CMTM8: variants seen among roughly 807,000 people sequenced by gnomAD.
CMTM8 encodes the protein CKLF-like MARVEL transmembrane domain-containing protein 8.
A neutral mutation model predicts 18.6 loss-of-function variants in CMTM8; 12 were observed. The ratio of observed to expected loss-of-function variants is 0.65; its 90% CI spans 0.41 to 1.05. The LOEUF is 1.05. Among genes scored for constraint, CMTM8 ranks in the 50% least tolerant of loss-of-function variants. The pLI is 0.00. For synonymous variants in CMTM8, 87 were observed against 90.6 expected, an observed-to-expected ratio of 0.96 and a Z score of 0.23; for missense variants, 217 against 227.2, an observed-to-expected ratio of 0.95 and a Z score of 0.29.
intron 1 of CMTM8, chr3:32,259,955 G>T: frequency 8.7e-7 from 1 of 1,146,734 alleles, no homozygotes; most frequent in South Asian, 1.3e-5. Context: ...GCAGCTCAAC[G>T]GGATCCTGCT....
intron 1 of CMTM8, among the ~76,000 whole-genome samples, chr3:32,335,207 T>G (rs1433627812): frequency 6.6e-6 from 1 of 152,228 alleles, no homozygotes; most frequent in Non-Finnish European, 1.5e-5. Context: ...CCAGTGGGTC[T>G]GCCAAGCTGA....
chr3:32,260,520 T>G (rs952202507), intron 1 of CMTM8, among the ~76,000 whole-genome samples: 3 of 152,210 alleles, frequency 2.0e-5, no homozygotes, highest in Non-Finnish European at 4.4e-5. Context: ...TTGCTTTCTG[T>G]TTTTCATTTA....
intron 1 of CMTM8, among the ~76,000 whole-genome samples, chr3:32,295,907 T>G (rs1353200266): frequency 9.9e-5 from 15 of 152,214 alleles, no homozygotes; most frequent in Admixed American, 9.8e-4. Flanking sequence ...AAATGTTCCA[T>G]GCTGTCTCAT....
At chr3:32,330,565 C>A (rs1272108118) in intron 1 of CMTM8, among the ~76,000 whole-genome samples, 1 of 152,100 alleles carries the variant, frequency 6.6e-6, no homozygotes, top group African/African-American at 2.4e-5. Flanking sequence ...TAAAGATAGA[C>A]ATATAGACCA....
intron 1 of CMTM8, among the ~76,000 whole-genome samples, chr3:32,240,999 G>C (rs1355686328): frequency 6.6e-6 from 1 of 152,028 alleles, no homozygotes; most frequent in Non-Finnish European, 1.5e-5. Context: ...TGTTGCCCAG[G>C]CTGCTCTGAA....
chr3:32,279,131 G>T (rs1702564673), intron 1 of CMTM8, among the ~76,000 whole-genome samples: 1 of 150,932 alleles, frequency 6.6e-6, no homozygotes, highest in Non-Finnish European at 1.5e-5. Flanking sequence ...TGACAAAGAT[G>T]CCACCCACGG....
chr3:32,320,457 C>T (rs1162272930), intron 1 of CMTM8, among the ~76,000 whole-genome samples: 3 of 152,078 alleles, frequency 2.0e-5, no homozygotes, highest in African/African-American at 7.2e-5. Context: ...TGAGTGGTTA[C>T]CTTGGCCTGA....
At chr3:32,303,570 AT>A (rs1695664647) in intron 1 of CMTM8, among the ~76,000 whole-genome samples, 1 of 152,116 alleles carries the variant, frequency 6.6e-6, no homozygotes, top group Admixed American at 6.6e-5. Context: ...CGTATGTTTC[AT>A]TTCTGAAACA....
chr3:32,295,479 C>CAAAAAAAAAAAAAAAAAA (rs58774314), intron 1 of CMTM8, among the ~76,000 whole-genome samples: 1 of 82,466 alleles, frequency 1.2e-5, no homozygotes, highest in Non-Finnish European at 2.1e-5. Context: ...AAAAAAAAAA[C>CAAAAAAAAAAAAAAAAAA]AAAACAAAAC....
intron 1 of CMTM8, among the ~76,000 whole-genome samples, chr3:32,249,409 G>T (rs998828148): frequency 1.6e-4 from 24 of 145,912 alleles, no homozygotes; most frequent in African/African-American, 5.8e-4. Context: ...CAGCCTGGGT[G>T]ACAAAGTAAG....
chr3:32,298,814 TAC>T (rs1276977050), intron 1 of CMTM8, among the ~76,000 whole-genome samples: 10 of 125,142 alleles, frequency 8.0e-5, no homozygotes, highest in African/African-American at 3.6e-4. Context: ...TATATATATA[TAC>T]ACGTGTGTAT....
intron 1 of CMTM8, among the ~76,000 whole-genome samples, chr3:32,252,991 G>A (rs1702133499): frequency 6.6e-6 from 1 of 152,170 alleles, no homozygotes; most frequent in Non-Finnish European, 1.5e-5. Context: ...GAATGGGAAT[G>A]GACCTAGGAG....
intron 1 of CMTM8, among the ~76,000 whole-genome samples, chr3:32,352,306 C>T (rs1337263350): frequency 2.6e-5 from 4 of 151,692 alleles, no homozygotes; most frequent in Non-Finnish European, 5.9e-5. Context: ...CTGTCCTCGA[C>T]ACTGATGAAG....
At chr3:32,318,698 C>T (rs1203849383) in intron 1 of CMTM8, among the ~76,000 whole-genome samples, 2 of 151,524 alleles carry the variant, frequency 1.3e-5, no homozygotes, top group Non-Finnish European at 2.9e-5. Flanking sequence ...TCCCGAGTAC[C>T]TGGGACTACA....
At chr3:32,356,572 A>G (rs769609795) in intron 1 of CMTM8, among the ~76,000 whole-genome samples, 5 of 152,208 alleles carry the variant, frequency 3.3e-5, no homozygotes, top group Non-Finnish European at 7.3e-5. Flanking sequence ...AACGTGTGGT[A>G]AAATACTGAG....
chr3:32,304,638 A>G (rs768075608), intron 1 of CMTM8, among the ~76,000 whole-genome samples: 1 of 152,238 alleles, frequency 6.6e-6, no homozygotes, highest in Non-Finnish European at 1.5e-5. Flanking sequence ...TGCAATGATT[A>G]CCGAAGGTCC....
intron 1 of CMTM8, among the ~76,000 whole-genome samples, chr3:32,301,455 G>A (rs1465815447): frequency 6.6e-6 from 1 of 151,998 alleles, no homozygotes; most frequent in Non-Finnish European, 1.5e-5. Context: ...TAGAAACAGG[G>A]CAATTAAATA....
intron 1 of CMTM8, among the ~76,000 whole-genome samples, chr3:32,339,535 A>G (rs1192039736): frequency 1.3e-5 from 2 of 152,196 alleles, no homozygotes; most frequent in Non-Finnish European, 1.5e-5. Context: ...TCCATTCCCA[A>G]TTAAAAACTA....
Position 32,341,626 on chromosome 3 carries a change from C to T in CMTM8, c.148-15747C>T, listed in dbSNP as rs372430972. 1.9e-4 allele frequency among the ~76,000 whole-genome samples: 29 copies of T among 152,240 alleles called. No individual in the cohort carries two copies. The East Asian group carries it at 3.7e-3, about 19-fold the overall frequency. On this transcript the variant is annotated intron_variant, in intron 1 of 3. Transcript: ENST00000307526. ...GTGTGGTGGCTCACACCTGTAATCCCAGCACTTTGGGAGGCCGAGGCAGGT... is the reference window on the plus strand; with the variant it reads ...GTGTGGTGGCTCACACCTGTAATCCTAGCACTTTGGGAGGCCGAGGCAGGT...
Sources: allele counts gnomAD v4.1 joint callset (sites outside exome capture counted in the v4.1 genomes callset), GRCh38; gene constraint gnomAD v4.1.1; transcripts MANE v1.5; gene names NCBI Gene and HGNC (gene_info 2026-07-23, HGNC 2026-07-21).